PBX3: variants seen among roughly 807,000 people sequenced by gnomAD.
PBX3 encodes the protein pre-B-cell leukemia transcription factor 3.
A neutral mutation model predicts 48.5 loss-of-function variants in PBX3; 14 were observed. The observed-to-expected ratio is 0.29, with a 90% CI of 0.19 to 0.45. The LOEUF (loss-of-function observed/expected upper bound fraction) is 0.45. PBX3 is among the 20% of genes least tolerant of loss of function. The probability of loss-of-function intolerance (pLI) is 1.00; values close to 1 mark genes in which losing one functional copy is unlikely to be tolerated. For synonymous variants in PBX3, 210 were observed against 200.3 expected, an observed-to-expected ratio of 1.05 and a Z score of -0.41; for missense variants, 386 against 546.7, an observed-to-expected ratio of 0.71 and a Z score of 2.93.
chr9:125,934,695 A>C (rs1015356049), intron 4 of PBX3, among the ~76,000 whole-genome samples: 1 of 151,802 alleles, frequency 6.6e-6, no homozygotes, highest in African/African-American at 2.4e-5. Context: ...ATCCTTCCCA[A>C]TGCATTTTTT....
At chr9:125,927,653 C>G (rs1332276266) in intron 3 of PBX3, among the ~76,000 whole-genome samples, 3 of 152,184 alleles carry the variant, frequency 2.0e-5, no homozygotes, top group Non-Finnish European at 4.4e-5. Context: ...AGAAGAGACT[C>G]TTTTTCTTCA....
chr9:125,888,527 AT>A (rs1213345955), intron 2 of PBX3, among the ~76,000 whole-genome samples: 1 of 149,518 alleles, frequency 6.7e-6, no homozygotes, highest in Non-Finnish European at 1.5e-5. Flanking sequence ...ACTTGATGGC[AT>A]TTTTTTGGGA....
intron 2 of PBX3, among the ~76,000 whole-genome samples, chr9:125,779,496 C>G (rs1190668285): frequency 2.0e-4 from 24 of 121,918 alleles, no homozygotes; most frequent in African/African-American, 8.1e-4. Flanking sequence ...ATCTGTTTAA[C>G]AAAGCACATC....
chr9:125,899,863 G>A (rs1395133491), intron 2 of PBX3, among the ~76,000 whole-genome samples: 1 of 151,726 alleles, frequency 6.6e-6, no homozygotes, highest in African/African-American at 2.4e-5. Context: ...GTAAAACTGT[G>A]TTGATATTGG....
At chr9:125,941,454 G>T (rs1388631492) in intron 5 of PBX3, among the ~76,000 whole-genome samples, 2 of 152,156 alleles carry the variant, frequency 1.3e-5, no homozygotes, top group Non-Finnish European at 2.9e-5. Flanking sequence ...TAGACCCTGG[G>T]AGGCAAGGGA....
chr9:125,843,652 C>A, intron 2 of PBX3: 1 of 298,998 alleles, frequency 3.3e-6, no homozygotes, highest in Middle Eastern at 6.7e-4. Context: ...AAGAATATTA[C>A]ATTAGGGCAC....
intron 2 of PBX3, among the ~76,000 whole-genome samples, chr9:125,786,463 TTAGA>T (rs1156771826): frequency 6.6e-6 from 1 of 152,120 alleles, no homozygotes; most frequent in Non-Finnish European, 1.5e-5. Flanking sequence ...AAAAAGGGAA[TTAGA>T]TAGCGATTAG....
intron 2 of PBX3, among the ~76,000 whole-genome samples, chr9:125,780,054 G>A (rs1471600792): frequency 2.7e-4 from 37 of 136,114 alleles, no homozygotes; most frequent in African/African-American, 4.7e-4. Flanking sequence ...GCGGCTGGCC[G>A]GGCAGGGGGC....
intron 2 of PBX3, among the ~76,000 whole-genome samples, chr9:125,763,230 A>G (rs1263203602): frequency 6.6e-6 from 1 of 152,240 alleles, no homozygotes; most frequent in African/African-American, 2.4e-5. Flanking sequence ...TCACAGGATT[A>G]CAAGGCATAT....
intron 2 of PBX3, among the ~76,000 whole-genome samples, chr9:125,777,545 G>A (rs1424112847): frequency 6.7e-6 from 1 of 149,582 alleles, no homozygotes; most frequent in Non-Finnish European, 1.5e-5. Context: ...TTGTATTTTA[G>A]TAGAGACGGG....
intron 5 of PBX3, among the ~76,000 whole-genome samples, chr9:125,956,058 G>A (rs966352178): frequency 2.8e-4 from 42 of 152,136 alleles, no homozygotes; most frequent in African/African-American, 9.9e-4. Flanking sequence ...TGGATCTCTC[G>A]TTTCTTCCTT....
intron 2 of PBX3, among the ~76,000 whole-genome samples, chr9:125,839,531 C>G (rs1231284510): frequency 2.0e-5 from 3 of 152,102 alleles, no homozygotes; most frequent in African/African-American, 7.2e-5. Flanking sequence ...GCCGGATGAA[C>G]TGATGTAACT....
chr9:125,876,806 T>TC (rs2132337260), intron 2 of PBX3, among the ~76,000 whole-genome samples: 1 of 138,132 alleles, frequency 7.2e-6, no homozygotes, highest in East Asian at 2.8e-4. Flanking sequence ...TTCTTTCTTT[T>TC]TTTTTTTTTT....
At chr9:125,819,573 A>G (rs1838586237) in intron 2 of PBX3, among the ~76,000 whole-genome samples, 1 of 152,196 alleles carries the variant, frequency 6.6e-6, no homozygotes, top group African/African-American at 2.4e-5. Context: ...GATCAGCTGA[A>G]CTATATGGAA....
intron 2 of PBX3, among the ~76,000 whole-genome samples, chr9:125,840,249 T>C (rs1443295386): frequency 1.3e-5 from 2 of 151,982 alleles, no homozygotes; most frequent in Non-Finnish European, 2.9e-5. Flanking sequence ...AGGATGGAGT[T>C]TTTTATTTTT....
intron 5 of PBX3, among the ~76,000 whole-genome samples, chr9:125,954,917 T>TA (rs1224605264): frequency 1.3e-5 from 2 of 152,254 alleles, no homozygotes; most frequent in Non-Finnish European, 2.9e-5. Context: ...AGAATAGTGT[T>TA]ACAGTTTTAT....
chr9:125,777,478 C>T (rs936326962), intron 2 of PBX3, among the ~76,000 whole-genome samples: 3 of 151,958 alleles, frequency 2.0e-5, no homozygotes, highest in African/African-American at 4.8e-5. Flanking sequence ...GCCTCAGCCT[C>T]CCAAGTAGCT....
chr9:125,780,340 G>C (rs1447692656), intron 2 of PBX3, among the ~76,000 whole-genome samples: 31 of 139,432 alleles, frequency 2.2e-4, no homozygotes, highest in Non-Finnish European at 1.6e-5. Context: ...CTCACCTCCC[G>C]GACGGGGCGG....
At chr9:125,899,281 A>G (rs61277215) in intron 2 of PBX3, among the ~76,000 whole-genome samples, 577 of 34,406 alleles carry the variant, frequency 0.017, 13 homozygotes, top group East Asian at 0.14. Context: ...ATACATATGT[A>G]TATATATTTA....
Sources: allele counts gnomAD v4.1 joint callset (sites outside exome capture counted in the v4.1 genomes callset), GRCh38; gene constraint gnomAD v4.1.1; transcripts MANE v1.5; gene names NCBI Gene and HGNC (gene_info 2026-07-23, HGNC 2026-07-21).